NLGN1: variants seen among roughly 807,000 people sequenced by gnomAD.
The protein encoded by NLGN1 is neuroligin 1, also known as neuroligin-1.
Under a neutral mutation model 65.5 loss-of-function variants are expected in NLGN1, and 12 were observed. The observed-to-expected ratio is 0.18, with a 90% CI of 0.12 to 0.30. The LOEUF is 0.30. Ranked by LOEUF, NLGN1 falls within the 10% of genes least tolerant of loss-of-function variation. NLGN1 has a pLI of 1.00. For synonymous variants in NLGN1, 350 were observed against 359.5 expected (o/e 0.97, Z 0.30); for missense variants, 750 against 1,007.1 (o/e 0.74, Z 3.46).
intron 4 of NLGN1, among the ~76,000 whole-genome samples, chr3:173,820,940 A>G (rs916038881): frequency 2.0e-5 from 3 of 152,206 alleles, no homozygotes; most frequent in Non-Finnish European, 4.4e-5. Context: ...TTGCCTTTTG[A>G]TACTTCATCT....
rs114247868 is a variant in NLGN1, at chr3:173,500,852, G to C, written c.-321+65774G>C. Among the ~76,000 whole-genome samples, 1,369 of 151,774 alleles carry C rather than the reference G, an allele frequency of 9.0e-3. 24 individuals are homozygous for C. The highest frequency in any genetic ancestry group is 0.032 in the African/African-American group (1,319 of 41,472). On this transcript the variant is annotated intron_variant, in intron 2 of 6. Transcript: ENST00000457714. ...TCCTGGGCTTATGCTTCACAACACT[G>C]AGCCCATATAATGGTGTTAATTGAG...
chr3:173,936,380 C>T (rs550054774), intron 4 of NLGN1, among the ~76,000 whole-genome samples: 1 of 151,968 alleles, frequency 6.6e-6, no homozygotes, highest in South Asian at 2.1e-4. Context: ...ATCCTTACAC[C>T]ACGGGTTTAG....
chr3:174,068,238 G>A (rs1444152344), intron 4 of NLGN1, among the ~76,000 whole-genome samples: 1 of 151,982 alleles, frequency 6.6e-6, no homozygotes, highest in Non-Finnish European at 1.5e-5. Context: ...GGACACATTA[G>A]GTAGCACAGC....
At chr3:174,226,340 C>A (rs1250723059) in intron 4 of NLGN1, among the ~76,000 whole-genome samples, 1 of 152,130 alleles carries the variant, frequency 6.6e-6, no homozygotes, top group African/African-American at 2.4e-5. Flanking sequence ...TTTGACCATC[C>A]ATTTCTTATA....
chr3:173,598,587 T>C (rs1284639632), intron 2 of NLGN1, among the ~76,000 whole-genome samples: 1 of 152,156 alleles, frequency 6.6e-6, no homozygotes, highest in Non-Finnish European at 1.5e-5. Flanking sequence ...CCGAACTCTT[T>C]AGCCTCTTAA....
chr3:173,834,020 G>T (rs540649744), intron 4 of NLGN1, among the ~76,000 whole-genome samples: 1 of 151,846 alleles, frequency 6.6e-6, no homozygotes, highest in African/African-American at 2.4e-5. Context: ...ATTTATTTTA[G>T]TATGTAGAAA....
chr3:173,679,745 A>G (rs1272019638), intron 3 of NLGN1, among the ~76,000 whole-genome samples: 2 of 152,158 alleles, frequency 1.3e-5, no homozygotes, highest in African/African-American at 4.8e-5. Flanking sequence ...GTAAGATGCC[A>G]GGAACATACC....
intron 4 of NLGN1, among the ~76,000 whole-genome samples, chr3:174,140,023 A>G (rs1722006418): frequency 6.6e-6 from 1 of 152,094 alleles, no homozygotes; most frequent in Admixed American, 6.6e-5. Context: ...ATTTGCAAAT[A>G]TTTCTCTCAG....
At chr3:173,606,518 TTCTA>T (rs1751433078) in intron 3 of NLGN1, among the ~76,000 whole-genome samples, 1 of 152,076 alleles carries the variant, frequency 6.6e-6, no homozygotes, top group Non-Finnish European at 1.5e-5. Context: ...ATGCTGCACA[TTCTA>T]TCTCTCTATG....
At chr3:173,698,584 T>C (rs929766876) in intron 3 of NLGN1, among the ~76,000 whole-genome samples, 1 of 152,204 alleles carries the variant, frequency 6.6e-6, no homozygotes, top group African/African-American at 2.4e-5. Flanking sequence ...TATACCTTGC[T>C]CTATATTATG....
intron 4 of NLGN1, among the ~76,000 whole-genome samples, chr3:173,948,042 G>C (rs1354747674): frequency 6.6e-6 from 1 of 152,150 alleles, no homozygotes; most frequent in Non-Finnish European, 1.5e-5. Context: ...ATGAGTGTCT[G>C]TTTTCTAAAG....
At position 173,853,503 on chromosome 3, in the gene NLGN1, G is replaced by C. The variant is rs562026825; in HGVS notation, c.646+45671G>C. 7.2e-4 allele frequency among the ~76,000 whole-genome samples: 109 copies of C among 152,170 alleles called. 3 individuals are homozygous for C. In the South Asian group the frequency reaches 0.022, roughly 31 times the overall value. ...CATTAAACTCAATATAAAAATAAGTGTAACAAATACATTACAAAGTACCCA... is the reference window on the plus strand; with the variant it reads ...CATTAAACTCAATATAAAAATAAGTCTAACAAATACATTACAAAGTACCCA... On this transcript the variant is annotated intron_variant, in intron 4 of 6. Coordinates refer to ENST00000457714, the Ensembl canonical transcript of NLGN1.
At chr3:174,199,110 G>T (rs1733984076) in intron 4 of NLGN1, among the ~76,000 whole-genome samples, 1 of 152,072 alleles carries the variant, frequency 6.6e-6, no homozygotes, top group South Asian at 2.1e-4. Flanking sequence ...GCCTCCCAAA[G>T]TGCTGGAATT....
At chr3:174,208,385 A>G (rs1389586082) in intron 4 of NLGN1, among the ~76,000 whole-genome samples, 1 of 152,232 alleles carries the variant, frequency 6.6e-6, no homozygotes, top group Non-Finnish European at 1.5e-5. Flanking sequence ...AAGATAAAAC[A>G]GCAGGTGGTC....
At chr3:173,662,887 A>G (rs911796286) in intron 3 of NLGN1, among the ~76,000 whole-genome samples, 14 of 152,008 alleles carry the variant, frequency 9.2e-5, no homozygotes, top group African/African-American at 3.1e-4. Context: ...ATACTTTTCC[A>G]TAGGTATTTG....
chr3:173,450,181 G>GT (rs1473205162), intron 2 of NLGN1, among the ~76,000 whole-genome samples: 1 of 152,178 alleles, frequency 6.6e-6, no homozygotes, highest in African/African-American at 2.4e-5. Context: ...AATTTGGCAT[G>GT]TTTTTGCAGT....
intron 5 of NLGN1, 43 bp downstream of exon 5, chr3:174,275,570 A>G (rs1447829096): frequency 8.4e-7 from 1 of 1,192,200 alleles, no homozygotes; most frequent in East Asian, 2.3e-5. Flanking sequence ...TGGTGTCTGC[A>G]TGCCACCACC....
At chr3:173,861,883 C>T (rs908432895) in intron 4 of NLGN1, among the ~76,000 whole-genome samples, 2 of 151,228 alleles carry the variant, frequency 1.3e-5, no homozygotes, top group Admixed American at 6.6e-5. Context: ...CTCAGCCTCC[C>T]GAGTAGCTGG....
chr3:173,455,910 A>G (rs1003162819), intron 2 of NLGN1, among the ~76,000 whole-genome samples: 1 of 152,148 alleles, frequency 6.6e-6, no homozygotes, highest in African/African-American at 2.4e-5. Context: ...ATAATGATAT[A>G]GATTCCAGTA....
Sources: allele counts gnomAD v4.1 joint callset (sites outside exome capture counted in the v4.1 genomes callset), GRCh38; gene constraint gnomAD v4.1.1; transcripts MANE v1.5; gene names NCBI Gene and HGNC (gene_info 2026-07-23, HGNC 2026-07-21).